CDH12: variants seen among roughly 807,000 people sequenced by gnomAD.
CDH12 encodes cadherin-12.
CDH12 carries 41 observed loss-of-function variants against 74.1 expected under a neutral mutation model. That is an observed-to-expected ratio of 0.55 (90% CI 0.43 to 0.72). The LOEUF (loss-of-function observed/expected upper bound fraction) is 0.72. Among genes scored for constraint, CDH12 ranks in the 30% least tolerant of loss-of-function variants. CDH12 has a pLI of 0.00. For missense variants in CDH12, 945 were observed against 977.2 expected (o/e 0.97, Z 0.44); for synonymous variants, 399 against 355.0 (o/e 1.12, Z -1.39).
intron 1 of CDH12, among the ~76,000 whole-genome samples, chr5:22,706,390 T>C (rs527491222): frequency 1.3e-5 from 2 of 152,184 alleles, no homozygotes; most frequent in East Asian, 3.9e-4. Context: ...CATTCATAAA[T>C]CATTATGAAA....
intron 4 of CDH12, among the ~76,000 whole-genome samples, chr5:22,193,161 T>A (rs1580383330): frequency 6.6e-6 from 1 of 152,272 alleles, no homozygotes; most frequent in Admixed American, 6.5e-5. Flanking sequence ...TGTTTGTTTT[T>A]GTTTGTTTGT....
At chr5:22,504,976 T>C (rs1046650994) in intron 2 of CDH12, among the ~76,000 whole-genome samples, 2 of 151,754 alleles carry the variant, frequency 1.3e-5, no homozygotes, top group African/African-American at 4.8e-5. Flanking sequence ...CATTAGATCC[T>C]CTCAAATTGG....
chr5:22,094,136 T>C (rs141591788), intron 4 of CDH12, among the ~76,000 whole-genome samples: 1 of 152,234 alleles, frequency 6.6e-6, no homozygotes, highest in African/African-American at 2.4e-5. Context: ...AGGCAAACCG[T>C]TACACAGATG....
chr5:22,255,073 TCTA>T (rs1753266513), intron 3 of CDH12, among the ~76,000 whole-genome samples: 1 of 151,908 alleles, frequency 6.6e-6, no homozygotes, highest in African/African-American at 2.4e-5. Flanking sequence ...TAACCATCAT[TCTA>T]CTCTGCATCT....
At chr5:21,899,364 G>A (rs1410048641) in intron 6 of CDH12, among the ~76,000 whole-genome samples, 1 of 152,092 alleles carries the variant, frequency 6.6e-6, no homozygotes, top group Non-Finnish European at 1.5e-5. Context: ...CTAGTATAAG[G>A]CCATTTTAGA....
chr5:22,648,818 A>G (rs1053036280), intron 1 of CDH12, among the ~76,000 whole-genome samples: 15 of 152,066 alleles, frequency 9.9e-5, no homozygotes, highest in African/African-American at 3.6e-4. Context: ...TCAAAGTGAC[A>G]TAAATGACAA....
chr5:22,276,248 A>C (rs184591376), intron 3 of CDH12, among the ~76,000 whole-genome samples: 21 of 152,302 alleles, frequency 1.4e-4, no homozygotes, highest in Admixed American at 1.0e-3. Context: ...ATCTTCGGAC[A>C]ACAACAGGGC....
intron 1 of CDH12, among the ~76,000 whole-genome samples, chr5:22,822,184 G>T (rs1164218586): frequency 6.6e-6 from 1 of 151,998 alleles, no homozygotes; most frequent in Non-Finnish European, 1.5e-5. Flanking sequence ...GCCATATGTA[G>T]AAAGCTGAAA....
chr5:22,558,301 C>T (rs945413798), intron 1 of CDH12, among the ~76,000 whole-genome samples: 8 of 152,080 alleles, frequency 5.3e-5, no homozygotes, highest in Admixed American at 1.3e-4. Flanking sequence ...ACTGCCTCGA[C>T]TGTCTCACCT....
chr5:21,770,618 CA>C (rs33944200), intron 11 of CDH12, among the ~76,000 whole-genome samples: 6,632 of 83,904 alleles, frequency 0.079, 179 homozygotes, highest in African/African-American at 0.15. Flanking sequence ...AAGTCCATCT[CA>C]AAAAAAAAAA....
Position 22,332,704 on chromosome 5 carries a change from CAT to C in CDH12, c.-333+72551_-333+72552del, listed in dbSNP as rs1473427045. 2.6e-5 allele frequency among the ~76,000 whole-genome samples: 4 copies of C among 152,176 alleles called. No individual in the cohort carries two copies. In the East Asian group the frequency reaches 7.7e-4, roughly 29 times the overall value. ...AGAAGACATTTATGCAGCCAAAAAA[CAT>C]ATGAAAAAAAGCTCAACATCAATGA... On this transcript the variant is annotated intron_variant, in intron 3 of 14. Coordinates refer to ENST00000382254, the MANE Select transcript of CDH12 (RefSeq NM_004061.5).
chr5:22,678,198 T>C (rs1741314293), intron 1 of CDH12, among the ~76,000 whole-genome samples: 1 of 152,032 alleles, frequency 6.6e-6, no homozygotes, highest in East Asian at 1.9e-4. Flanking sequence ...AACCGACATT[T>C]ACTGTAAAAA....
rs78468205 is a variant in CDH12 at position 22,071,597 on chromosome 5, C to T, written c.231+6849G>A. Among the ~76,000 whole-genome samples, 436 of 152,080 alleles carry T rather than the reference C, an allele frequency of 2.9e-3. 11 individuals are homozygous for T. In the East Asian group the frequency reaches 0.06, roughly 21 times the overall value. On this transcript the variant is annotated intron_variant, in intron 5 of 14. Coordinates refer to ENST00000382254, the MANE Select transcript of CDH12 (RefSeq NM_004061.5). ...AGATCTATCTAATTTTTTTCATCTGCTTTGAAATGAAAAATCAGGGTTCTC... is the reference window on the plus strand; with the variant it reads ...AGATCTATCTAATTTTTTTCATCTGTTTTGAAATGAAAAATCAGGGTTCTC...
chr5:22,499,884 T>C (rs1435897790), intron 2 of CDH12, among the ~76,000 whole-genome samples: 1 of 152,152 alleles, frequency 6.6e-6, no homozygotes, highest in Non-Finnish European at 1.5e-5. Flanking sequence ...CACACTACAG[T>C]TCTCCTTAAC....
Position 21,992,428 on chromosome 5 carries a change from A to G in CDH12, c.232-17043T>C, listed in dbSNP as rs529745150. Reference sequence around the variant, plus strand: ...GGATTATGAAAGCAGGTGCTTAAGTAGAGATTGATTGAGGCCTTAAATGTT... The same window carrying G: ...GGATTATGAAAGCAGGTGCTTAAGTGGAGATTGATTGAGGCCTTAAATGTT... On this transcript the variant is annotated intron_variant, in intron 5 of 14. Transcript: ENST00000382254. Among the ~76,000 whole-genome samples the G allele has an allele frequency of 6.6e-5, 10 of 152,218 alleles. No individual in the cohort carries two copies. The East Asian group carries it at 1.9e-3, about 29-fold the overall frequency.
intron 4 of CDH12, among the ~76,000 whole-genome samples, chr5:22,211,959 C>T (rs1751571322): frequency 6.6e-6 from 1 of 151,772 alleles, no homozygotes; most frequent in Admixed American, 6.6e-5. Context: ...TTTCTTAATA[C>T]TTGCATCAGA....
chr5:22,042,170 A>G (rs1313852469), intron 5 of CDH12, among the ~76,000 whole-genome samples: 2 of 152,166 alleles, frequency 1.3e-5, no homozygotes, highest in Admixed American at 6.5e-5. Flanking sequence ...TTCAGAGGAA[A>G]GTTTATAGTG....
chr5:22,229,446 CAAA>C (rs71609756), intron 3 of CDH12, among the ~76,000 whole-genome samples: 3 of 100,904 alleles, frequency 3.0e-5, no homozygotes, highest in African/African-American at 3.9e-5. Context: ...GACTCCGTCT[CAAA>C]AAAAAAAAAA....
chr5:22,388,894 G>T (rs908660720), intron 3 of CDH12, among the ~76,000 whole-genome samples: 1 of 152,094 alleles, frequency 6.6e-6, no homozygotes, highest in African/African-American at 2.4e-5. Flanking sequence ...TTCAGTTTTT[G>T]CAATGCTTCC....
Sources: gnomAD v4.1 joint callset for allele counts (sites outside exome capture counted in the v4.1 genomes callset) on GRCh38, gnomAD v4.1.1 for gene constraint, MANE v1.5 for transcripts, NCBI Gene and HGNC (gene_info 2026-07-23, HGNC 2026-07-21) for gene names.